Variants in TRPA1 observed in about 807,000 individuals in gnomAD.
TRPA1 encodes the protein ankyrin-like with transmembrane domains 1.
A neutral mutation model predicts 131.3 loss-of-function variants in TRPA1; 129 were observed. That is an observed-to-expected ratio of 0.98 (90% CI 0.85 to 1.14). The LOEUF is 1.14. Ranked by LOEUF, TRPA1 falls within the 50% of genes most tolerant of loss-of-function variation. The probability of loss-of-function intolerance (pLI) is 0.00; values close to 1 mark genes in which losing one functional copy is unlikely to be tolerated. For synonymous variants in TRPA1, 441 were observed against 451.7 expected (o/e 0.98, Z 0.30); for missense variants, 1,304 against 1,354.2 (o/e 0.96, Z 0.58).
intron 3 of TRPA1, among the ~76,000 whole-genome samples, chr8:72,065,973 AAG>A (rs1324701365): frequency 1.3e-5 from 2 of 152,148 alleles, no homozygotes; most frequent in Non-Finnish European, 2.9e-5. Context: ...AAGAGAGTAA[AAG>A]AGAGAGAAAG....
chr8:72,025,936 T>C (rs780136931), intron 25 of TRPA1, 24 bp downstream of exon 25: 1 of 1,568,176 alleles, frequency 6.4e-7, no homozygotes, highest in South Asian at 1.1e-5. Context: ...GTTACTGATG[T>C]TGTTATTTGT....
Position 72,023,459 on chromosome 8 carries a change from T to G in TRPA1, c.3150-343A>C, listed in dbSNP as rs1811468078. On this transcript the variant is annotated intron_variant, in intron 26 of 26. Transcript: ENST00000262209. Reference sequence around the variant, plus strand: ...GTACTAACTAACTGTAAAACCCTCATGCTTAATGACTGCCCACCACATAGT... The same window carrying G: ...GTACTAACTAACTGTAAAACCCTCAGGCTTAATGACTGCCCACCACATAGT... 9 of 449,760 alleles carry G rather than the reference T, an allele frequency of 2.0e-5. No individual in the cohort carries two copies. The South Asian group carries it at 2.0e-4, about 10-fold the overall frequency. 27.9% of individuals were successfully genotyped at this position (449,760 alleles called of 1,614,324 possible).
chr8:72,043,191 G>C (rs1310455586), intron 17 of TRPA1, among the ~76,000 whole-genome samples: 1 of 151,718 alleles, frequency 6.6e-6, no homozygotes, highest in African/African-American at 2.4e-5. Flanking sequence ...TTCCTCAATA[G>C]TATCATCATT....
the TRPA1 span, among the ~76,000 whole-genome samples, chr8:72,085,742 A>G: frequency 2.0e-5 from 3 of 151,906 alleles, no homozygotes; most frequent in Non-Finnish European, 4.4e-5. Context: ...TAGTTTATTT[A>G]TATTGATTGT....
At chr8:72,055,664 A>G (rs775517828) in intron 11 of TRPA1, 22 bp downstream of exon 11, 6 of 1,613,680 alleles carry the variant, frequency 3.7e-6, no homozygotes, top group Non-Finnish European at 5.1e-6. Flanking sequence ...ACATGTTCAT[A>G]CATTGCTAGA....
intron 17 of TRPA1, among the ~76,000 whole-genome samples, chr8:72,045,336 T>C (rs2120472): frequency 1.5e-3 from 234 of 151,752 alleles, no homozygotes; most frequent in Non-Finnish European, 2.7e-3. Context: ...AATGAACTCA[T>C]TGAAGGTGAA....
At chr8:72,062,722 G>A in intron 6 of TRPA1, 77 bp downstream of exon 6, 1 of 1,410,272 alleles carries the variant, frequency 7.1e-7, no homozygotes. Context: ...TAAATTAACT[G>A]TAAAAGAGCT....
intron 2 of TRPA1, 61 bp from the exon 3 acceptor site, chr8:72,069,259 A>C (rs1806001761): frequency 6.5e-7 from 1 of 1,546,700 alleles, no homozygotes; most frequent in Admixed American, 1.7e-5. Flanking sequence ...ACACCTCCTG[A>C]GTGCCTATAC....
the TRPA1 span, among the ~76,000 whole-genome samples, chr8:72,082,320 A>G: frequency 6.6e-6 from 1 of 152,032 alleles, no homozygotes; most frequent in African/African-American, 2.4e-5. Flanking sequence ...CATGGTATAT[A>G]CTCTAAAATA....
intron 23 of TRPA1, 123 bp downstream of exon 23, chr8:72,033,521 G>T: frequency 6.2e-6 from 6 of 967,606 alleles, no homozygotes; most frequent in Middle Eastern, 6.6e-4. Flanking sequence ...TGAACGAATA[G>T]ATTTTGTAGT....
chr8:72,023,704 C>G (rs756148330), intron 26 of TRPA1, 110 bp downstream of exon 26: 5 of 718,964 alleles, frequency 7.0e-6, no homozygotes, highest in Non-Finnish European at 1.2e-5. Context: ...ATCAATAAAG[C>G]AAGATAATAT....
chr8:72,078,792 T>C (rs1229130723), upstream of TRPA1, among the ~76,000 whole-genome samples: 1 of 152,076 alleles, frequency 6.6e-6, no homozygotes, highest in Admixed American at 6.5e-5. Context: ...ATTTGCTGAG[T>C]AATGTGATAA....
chr8:72,083,687 G>A, the TRPA1 span, among the ~76,000 whole-genome samples: 2 of 152,102 alleles, frequency 1.3e-5, no homozygotes, highest in Admixed American at 1.3e-4. Context: ...AGCTTGCAGT[G>A]AGCCGAGATA....
intron 6 of TRPA1, chr8:72,062,231 T>C (rs1805826402): frequency 5.4e-6 from 1 of 185,082 alleles, no homozygotes; most frequent in Non-Finnish European, 1.1e-5. Flanking sequence ...GAGATTAATA[T>C]CCAATCTTCT....
At chr8:72,038,829 A>G (rs1166833952) in intron 19 of TRPA1, 36 bp downstream of exon 19, 3 of 1,567,018 alleles carry the variant, frequency 1.9e-6, no homozygotes, top group Admixed American at 1.7e-5. Flanking sequence ...CATTTTTTAT[A>G]ATCCTTTATT....
chr8:72,073,005 A>T (rs186524892), intron 1 of TRPA1, among the ~76,000 whole-genome samples: 2 of 152,310 alleles, frequency 1.3e-5, no homozygotes, highest in Non-Finnish European at 2.9e-5. Flanking sequence ...TAAGCCAAGG[A>T]TGTCATTTAG....
chr8:72,086,371 T>A, the TRPA1 span, among the ~76,000 whole-genome samples: 1 of 152,242 alleles, frequency 6.6e-6, no homozygotes, highest in African/African-American at 2.4e-5. Context: ...ATTCTGTAAT[T>A]TTTATCATTC....
chr8:72,059,271 T>C, intron 8 of TRPA1, 119 bp downstream of exon 8: 1 of 699,708 alleles, frequency 1.4e-6, no homozygotes, highest in African/African-American at 1.8e-5. Context: ...TTTGTATACT[T>C]TTTGCTGATA....
At chr8:72,052,933 G>T in intron 13 of TRPA1, 168 bp from the exon 14 acceptor site, 1 of 604,928 alleles carries the variant, frequency 1.7e-6, no homozygotes, top group Non-Finnish European at 2.8e-6. Context: ...TATAGTTCTA[G>T]CATGGTGTGT....
Sources: allele counts gnomAD v4.1 joint callset (sites outside exome capture counted in the v4.1 genomes callset), GRCh38; gene constraint gnomAD v4.1.1; transcripts MANE v1.5; gene names NCBI Gene and HGNC (gene_info 2026-07-23, HGNC 2026-07-21).